Variants in ZNRF1 observed in about 807,000 individuals in gnomAD.
ZNRF1 encodes E3 ubiquitin-protein ligase ZNRF1.
In ZNRF1, 3 loss-of-function variants were observed where a neutral mutation model predicts 18.4. The ratio of observed to expected loss-of-function variants is 0.16; its 90% confidence interval spans 0.07 to 0.42. The LOEUF is 0.42. Among genes scored for constraint, ZNRF1 ranks in the 10% least tolerant of loss-of-function variants. ZNRF1 has a pLI of 0.99. For missense variants in ZNRF1, 310 were observed against 329.8 expected, an observed-to-expected ratio of 0.94 and a Z score of 0.47; for synonymous variants, 157 against 144.2, an observed-to-expected ratio of 1.09 and a Z score of -0.64.
intron 1 of ZNRF1, among the ~76,000 whole-genome samples, chr16:75,085,206 C>T (rs1413976703): frequency 6.6e-6 from 1 of 152,164 alleles, no homozygotes; most frequent in African/African-American, 2.4e-5. Context: ...CTGCCCCCAC[C>T]CTAACCCCTG....
At chr16:75,066,773 G>A (rs2035809982) in intron 1 of ZNRF1, among the ~76,000 whole-genome samples, 1 of 151,996 alleles carries the variant, frequency 6.6e-6, no homozygotes. Flanking sequence ...CAAAGTGCTA[G>A]GATTACAGAT....
chr16:75,016,082 A>T (rs539302796), intron 1 of ZNRF1, among the ~76,000 whole-genome samples: 6 of 130,688 alleles, frequency 4.6e-5, no homozygotes, highest in Middle Eastern at 5.7e-3. Context: ...CACCACACCC[A>T]GCTAATTTTT....
At chr16:75,079,052 A>T (rs2035978442) in intron 1 of ZNRF1, among the ~76,000 whole-genome samples, 1 of 152,200 alleles carries the variant, frequency 6.6e-6, no homozygotes, top group Non-Finnish European at 1.5e-5. Flanking sequence ...GGTTCAAGTA[A>T]CCTGAACCAG....
At position 74,999,970 on chromosome 16, in the gene ZNRF1, G is replaced by A. The variant is rs1216313700; in HGVS notation, c.299G>A (p.Gly100Asp). 1 of 1,583,006 alleles carries A rather than the reference G, an allele frequency of 6.3e-7. No homozygotes were observed. Among genetic ancestry groups the A allele is most frequent in the Non-Finnish European group, 8.6e-7 (1 of 1,165,492 alleles). ...GCGTCCGACTCCACCTATGCCCATGGCAATGGTTACCAGGAGACGGGCGGC... is the reference window on the plus strand; with the variant it reads ...GCGTCCGACTCCACCTATGCCCATGACAATGGTTACCAGGAGACGGGCGGC... ...GSASDSTYAH[G>D]NGYQETGGGH... is the part of the protein sequence containing the mutation. Residue 100 changes from glycine (G) to aspartate (D), a missense_variant, in exon 1 of 5, where the codon GGC becomes GAC. This residue lies in a region of ZNRF1 where 293 missense variants were observed against 291.2 expected (regional missense o/e 1.01). Coordinates refer to ENST00000335325, the MANE Select transcript of ZNRF1 (RefSeq NM_032268.5).
intron 1 of ZNRF1, among the ~76,000 whole-genome samples, chr16:75,031,735 C>G (rs1032407166): frequency 1.3e-5 from 2 of 152,098 alleles, no homozygotes; most frequent in African/African-American, 4.8e-5. Context: ...CTCCTGAACT[C>G]AAGCATTCTG....
intron 1 of ZNRF1, among the ~76,000 whole-genome samples, chr16:75,020,037 A>C (rs1024267952): frequency 6.6e-6 from 1 of 151,988 alleles, no homozygotes; most frequent in African/African-American, 2.4e-5. Context: ...ACAATTCCAG[A>C]GAGAACTATG....
chr16:75,110,608 T>C lies in ZNRF1; in HGVS notation c.*2908T>C, dbSNP rs2036371083. ...AAAGCAAATAAGGCCAAAATGTTCA[T>C]TGTTGAATCTGCAGTGGCTGGTATT... On this transcript the variant is annotated 3_prime_UTR_variant, in exon 5 of 5. Coordinates refer to ENST00000335325, the MANE Select transcript of ZNRF1 (RefSeq NM_032268.5). The C allele has an allele frequency of 6.6e-6, 1 of 152,278 alleles. No individual in the cohort carries two copies. 9.4% of individuals were successfully genotyped at this position (152,278 alleles called of 1,614,324 possible).
intron 1 of ZNRF1, among the ~76,000 whole-genome samples, chr16:75,061,119 G>T (rs1419330596): frequency 6.6e-6 from 1 of 152,124 alleles, no homozygotes; most frequent in Admixed American, 6.6e-5. Flanking sequence ...GAAGAATGGG[G>T]TATCCATCCC....
At chr16:75,058,158 G>T (rs149157406) in intron 1 of ZNRF1, among the ~76,000 whole-genome samples, 3 of 151,122 alleles carry the variant, frequency 2.0e-5, no homozygotes, top group African/African-American at 7.3e-5. Flanking sequence ...TTAGAGACGG[G>T]GGGGTGGTCT....
chr16:75,062,564 T>A (rs553279495), intron 1 of ZNRF1, among the ~76,000 whole-genome samples: 2 of 152,370 alleles, frequency 1.3e-5, no homozygotes, highest in South Asian at 4.1e-4. Flanking sequence ...TGTAGCAGGA[T>A]CACCCGGGAG....
intron 1 of ZNRF1, among the ~76,000 whole-genome samples, chr16:75,062,431 T>G (rs563017771): frequency 6.6e-6 from 1 of 152,216 alleles, no homozygotes; most frequent in Non-Finnish European, 1.5e-5. Context: ...GTGAAATGAA[T>G]TCTTTATCGG....
intron 1 of ZNRF1, among the ~76,000 whole-genome samples, chr16:75,073,174 GTA>G (rs912775234): frequency 6.5e-5 from 7 of 108,362 alleles, no homozygotes; most frequent in South Asian, 2.9e-4. Flanking sequence ...CTATATATAT[GTA>G]TATATATATA....
intron 1 of ZNRF1, among the ~76,000 whole-genome samples, chr16:75,069,941 C>T (rs2035850345): frequency 6.6e-6 from 1 of 152,184 alleles, no homozygotes; most frequent in Non-Finnish European, 1.5e-5. Flanking sequence ...CCACCATTTA[C>T]CCAGTTGCCC....
chr16:75,065,858 G>A (rs1218669815), intron 1 of ZNRF1, among the ~76,000 whole-genome samples: 2 of 152,124 alleles, frequency 1.3e-5, no homozygotes, highest in African/African-American at 4.8e-5. Flanking sequence ...GCCAGATCAC[G>A]ATTAACCTTA....
At chr16:75,100,076 G>A (rs1185877455) in intron 2 of ZNRF1, among the ~76,000 whole-genome samples, 2 of 152,200 alleles carry the variant, frequency 1.3e-5, no homozygotes, top group Non-Finnish European at 2.9e-5. Context: ...TGCTGTCTGA[G>A]TCAAAGACCC....
chr16:75,051,984 ATTTC>A (rs954889070), intron 1 of ZNRF1, among the ~76,000 whole-genome samples: 1 of 152,306 alleles, frequency 6.6e-6, no homozygotes, highest in East Asian at 1.9e-4. Flanking sequence ...GGTGTTAAGT[ATTTC>A]TTTATAGCTT....
At chr16:75,076,143 C>A (rs2035938152) in intron 1 of ZNRF1, among the ~76,000 whole-genome samples, 1 of 152,224 alleles carries the variant, frequency 6.6e-6, no homozygotes, top group South Asian at 2.1e-4. Context: ...CCATCTTCTC[C>A]ATACTAAAAG....
Position 75,093,550 on chromosome 16 carries a change from A to C in ZNRF1, c.425-22A>C, listed in dbSNP as rs746231022. 4 of 1,597,030 alleles carry C rather than the reference A, an allele frequency of 2.5e-6. No homozygotes were observed. The South Asian group carries it at 4.4e-5, about 18-fold the overall frequency. Reference sequence around the variant, plus strand: ...GTACTGGATCTGGAGAAAACATTTCATCCCATTCTCCTCTCTTTCAGGTTT... The same window carrying C: ...GTACTGGATCTGGAGAAAACATTTCCTCCCATTCTCCTCTCTTTCAGGTTT... On this transcript the variant is annotated intron_variant, in intron 1 of 4. Transcript: ENST00000335325.
At chr16:75,104,699 C>T in intron 2 of ZNRF1, 85 bp from the exon 3 acceptor site, 3 of 1,206,094 alleles carry the variant, frequency 2.5e-6, no homozygotes, top group Non-Finnish European at 3.6e-6. Flanking sequence ...CTAAGCAGTC[C>T]CCTAGTTCCT....
Sources: allele counts gnomAD v4.1 joint callset (sites outside exome capture counted in the v4.1 genomes callset), GRCh38; gene constraint gnomAD v4.1.1; regional missense constraint gnomAD v4.1.1; transcripts MANE v1.5; gene names NCBI Gene and HGNC (gene_info 2026-07-23, HGNC 2026-07-21).